HMGCLL1: variants seen among roughly 807,000 people sequenced by gnomAD.
The protein encoded by HMGCLL1 is 3-hydroxymethyl-3-methylglutaryl-CoA lyase, cytoplasmic.
A neutral mutation model predicts 39.1 loss-of-function variants in HMGCLL1; 36 were observed. The observed-to-expected ratio is 0.92, with a 90% CI of 0.71 to 1.22. The LOEUF (loss-of-function observed/expected upper bound fraction) is 1.22. Among genes scored for constraint, HMGCLL1 ranks in the 50% most tolerant of loss-of-function variants. HMGCLL1 has a pLI of 0.00. For synonymous variants in HMGCLL1, 149 were observed against 144.0 expected (o/e 1.03, Z -0.25); for missense variants, 451 against 416.5 (o/e 1.08, Z -0.72).
chr6:55,560,527 C>G (rs1385175257), intron 1 of HMGCLL1, among the ~76,000 whole-genome samples: 1 of 152,144 alleles, frequency 6.6e-6, no homozygotes, highest in African/African-American at 2.4e-5. Context: ...TTTCCATAAT[C>G]CCTCTGTTCC....
rs1763302933 is a variant in HMGCLL1 at position 55,434,734 on chromosome 6, G to A, written c.*928C>T. 1 of 152,006 alleles carries A rather than the reference G, an allele frequency of 6.6e-6. No homozygotes were observed. Among genetic ancestry groups the A allele is most frequent in the Admixed American group, 6.6e-5 (1 of 15,218 alleles). The allele number at this position is 152,006 out of a possible 1,614,324, so 9.4% of individuals were successfully genotyped here. On this transcript the variant is annotated 3_prime_UTR_variant, in exon 9 of 9. Transcript: ENST00000274901. Reference sequence around the variant, plus strand: ...ACTAAAAAATACACCAAAAAATAATGTGGGTAAGCAAAGCACCATGAATAA... The same window carrying A: ...ACTAAAAAATACACCAAAAAATAATATGGGTAAGCAAAGCACCATGAATAA...
chr6:55,522,015 G>C (rs750622744), intron 3 of HMGCLL1, among the ~76,000 whole-genome samples: 2 of 151,970 alleles, frequency 1.3e-5, no homozygotes, highest in Non-Finnish European at 2.9e-5. Context: ...CCTTATTGCT[G>C]AAACGGAGAA....
At chr6:55,662,619 A>G in the HMGCLL1 span, among the ~76,000 whole-genome samples, 6 of 151,802 alleles carry the variant, frequency 4.0e-5, no homozygotes, top group South Asian at 1.2e-3. Flanking sequence ...ATCGATGTTC[A>G]TCAAGGATAT....
chr6:55,499,931 C>T (rs566398210), intron 5 of HMGCLL1, among the ~76,000 whole-genome samples: 86 of 152,138 alleles, frequency 5.7e-4, no homozygotes, highest in African/African-American at 2.0e-3. Context: ...ATTAAAAAGT[C>T]AAGCATTTCC....
At chr6:55,590,787 T>C in the HMGCLL1 span, among the ~76,000 whole-genome samples, 31 of 152,130 alleles carry the variant, frequency 2.0e-4, no homozygotes, top group South Asian at 6.2e-3. Flanking sequence ...TTAAAGTATT[T>C]ATTTTGAAAT....
intron 6 of HMGCLL1, 36 bp from the exon 7 acceptor site, chr6:55,495,643 A>G (rs1416207878): frequency 6.7e-7 from 1 of 1,502,360 alleles, no homozygotes; most frequent in African/African-American, 1.4e-5. Flanking sequence ...AAAATAATGG[A>G]AATGAAGAGA....
the HMGCLL1 span, among the ~76,000 whole-genome samples, chr6:55,643,913 A>G: frequency 1.3e-5 from 2 of 152,054 alleles, no homozygotes; most frequent in Non-Finnish European, 2.9e-5. Flanking sequence ...TCATTTGAGT[A>G]TATACCCAGC....
At chr6:55,637,438 T>TC in the HMGCLL1 span, among the ~76,000 whole-genome samples, 7 of 132,270 alleles carry the variant, frequency 5.3e-5, no homozygotes, top group Non-Finnish European at 9.8e-5. Flanking sequence ...TCACGAAAAA[T>TC]TGGTCTGTTT....
intron 5 of HMGCLL1, among the ~76,000 whole-genome samples, chr6:55,504,061 C>T (rs1767031888): frequency 1.3e-5 from 2 of 151,722 alleles, no homozygotes; most frequent in Admixed American, 6.6e-5. Flanking sequence ...CTATTTTCTA[C>T]TGAATAAACT....
At chr6:55,467,292 C>T (rs1204061221) in intron 7 of HMGCLL1, among the ~76,000 whole-genome samples, 1 of 152,014 alleles carries the variant, frequency 6.6e-6, no homozygotes, top group Non-Finnish European at 1.5e-5. Context: ...CCATGTAATA[C>T]AAAATATATT....
chr6:55,542,114 A>G lies in HMGCLL1; in HGVS notation c.135T>C (p.Pro45=). 6.2e-7 allele frequency: 1 copy of G among 1,610,214 alleles called. No homozygotes were observed. Among genetic ancestry groups the G allele is most frequent in the Non-Finnish European group, 8.5e-7 (1 of 1,177,340 alleles). The change falls in exon 2 of 9, where the codon CCT becomes CCC. Residue 45 remains proline, a synonymous_variant. Coordinates refer to ENST00000274901, the MANE Select transcript of HMGCLL1 (RefSeq NM_001042406.2). ...CAACTTCTACTATTTTAACAAACTC[A>G]GGGAGTCCAGATAACTGGGATGTTT... is the stretch of plus-strand genomic sequence containing the variant. ...AQETSQLSGL[P]EFVKIVEVGP...
chr6:55,469,098 G>A (rs1581816297), intron 7 of HMGCLL1, among the ~76,000 whole-genome samples: 1 of 147,930 alleles, frequency 6.8e-6, no homozygotes, highest in Admixed American at 6.8e-5. Flanking sequence ...GTTGAAATTA[G>A]AACAAATATT....
At position 55,569,813 on chromosome 6, in the gene HMGCLL1, A is replaced by G. The variant is rs576253198; in HGVS notation, c.108+9135T>C. On this transcript the variant is annotated intron_variant, in intron 1 of 8. Transcript: ENST00000274901. ...TGAAACACCAAGGAACACACTTGCTAATGGCACAGAGACAAAGCCGCACTC... is the reference window on the plus strand; with the variant it reads ...TGAAACACCAAGGAACACACTTGCTGATGGCACAGAGACAAAGCCGCACTC... Among the ~76,000 whole-genome samples, 13 of 152,340 alleles carry G rather than the reference A, an allele frequency of 8.5e-5. No homozygotes were observed. In the East Asian group the frequency reaches 2.5e-3, roughly 29 times the overall value.
intron 7 of HMGCLL1, among the ~76,000 whole-genome samples, chr6:55,441,300 A>T (rs919110132): frequency 1.3e-5 from 2 of 152,142 alleles, no homozygotes; most frequent in African/African-American, 4.8e-5. Context: ...ACCTAATCAG[A>T]TCGGGCATTT....
chr6:55,661,498 C>T, the HMGCLL1 span, among the ~76,000 whole-genome samples: 1 of 151,776 alleles, frequency 6.6e-6, no homozygotes, highest in African/African-American at 2.4e-5. Flanking sequence ...TTTCTGTCAG[C>T]TTTGTTGAAG....
chr6:55,564,856 A>G (rs1354045784), intron 1 of HMGCLL1, among the ~76,000 whole-genome samples: 2 of 151,368 alleles, frequency 1.3e-5, no homozygotes, highest in East Asian at 1.9e-4. Context: ...AAAAAAAACC[A>G]CTATGGAATA....
At chr6:55,650,236 A>G in the HMGCLL1 span, among the ~76,000 whole-genome samples, 2 of 149,514 alleles carry the variant, frequency 1.3e-5, no homozygotes, top group Non-Finnish European at 3.0e-5. Flanking sequence ...GTTGATGCTT[A>G]TAAATGTTCT....
intron 1 of HMGCLL1, among the ~76,000 whole-genome samples, chr6:55,543,445 TATATATG>T (rs1769719981): frequency 1.6e-4 from 1 of 6,230 alleles, no homozygotes; most frequent in Non-Finnish European, 5.0e-4. Context: ...TCATATATGA[TATATATG>T]ATATATATCA....
intron 7 of HMGCLL1, among the ~76,000 whole-genome samples, chr6:55,471,065 G>A (rs1168699612): frequency 1.3e-5 from 2 of 150,450 alleles, no homozygotes; most frequent in South Asian, 2.1e-4. Context: ...TGCCTTCATC[G>A]AATGACCCCT....
Sources: gnomAD v4.1 joint callset for allele counts (sites outside exome capture counted in the v4.1 genomes callset) on GRCh38, gnomAD v4.1.1 for gene constraint, MANE v1.5 for transcripts, NCBI Gene and HGNC (gene_info 2026-07-23, HGNC 2026-07-21) for gene names.